Variants in PEG3 observed in about 807,000 individuals in gnomAD.
The protein encoded by PEG3 is paternally expressed 3.
Under a neutral mutation model 35.5 loss-of-function variants are expected in PEG3, and 23 were observed. That is an observed-to-expected ratio of 0.65 (90% CI 0.47 to 0.92). The LOEUF (loss-of-function observed/expected upper bound fraction) is 0.92. Among genes scored for constraint, PEG3 ranks in the 40% least tolerant of loss-of-function variants. PEG3 has a pLI of 0.00. For missense variants in PEG3, 1,960 were observed against 1,985.3 expected, an observed-to-expected ratio of 0.99 and a Z score of 0.24; for synonymous variants, 707 against 697.0, an observed-to-expected ratio of 1.01 and a Z score of -0.23.
intron 2 of PEG3, among the ~76,000 whole-genome samples, chr19:56,834,915 G>C (rs2061936892): frequency 2.0e-5 from 3 of 152,160 alleles, no homozygotes; most frequent in Admixed American, 1.3e-4. Flanking sequence ...ATCCTGTCCT[G>C]GATCAGGCCC....
chr19:56,823,497 G>T, intron 5 of PEG3, 96 bp downstream of exon 5: 1 of 1,461,280 alleles, frequency 6.8e-7, no homozygotes, highest in Non-Finnish European at 9.5e-7. Context: ...GGGATGGCGG[G>T]TCATCTTCAT....
intron 2 of PEG3, among the ~76,000 whole-genome samples, chr19:56,829,618 C>A (rs1270356114): frequency 1.3e-5 from 2 of 152,224 alleles, no homozygotes; most frequent in African/African-American, 4.8e-5. Flanking sequence ...TCCTGCAGGG[C>A]TACCTGACAC....
chr19:56,835,798 T>C (rs12978575), intron 2 of PEG3, among the ~76,000 whole-genome samples: 27,969 of 152,128 alleles, frequency 0.18, 3,240 homozygotes, highest in Non-Finnish European at 0.25. Context: ...TAGCTGAGTA[T>C]GAGAAAAAGA....
Position 56,821,693 on chromosome 19 carries a change from T to C in PEG3, c.627A>G (p.Arg209=). The change falls in exon 7 of 10, where the codon AGA becomes AGG. Residue 209 remains arginine (R), a synonymous_variant. Transcript: ENST00000326441. ...AAGCCCTGGAGTCCCTGTCGTCCTC[T>C]CTGTCCATTTCAAAGCTTGTTTTCG... ...VVAKTSFEMD[R]EDDRDSRAYE... is the part of the protein sequence containing the mutation. The C allele has an allele frequency of 6.2e-7, 1 of 1,613,946 alleles. No individual in the cohort carries two copies. The highest frequency in any genetic ancestry group is 8.5e-7 in the Non-Finnish European group (1 of 1,180,016).
chr19:56,836,969 CAAAAAAAAAA>C (rs573566620), intron 1 of PEG3, among the ~76,000 whole-genome samples: 7 of 116,988 alleles, frequency 6.0e-5, no homozygotes, highest in African/African-American at 1.8e-4. Flanking sequence ...GACTCTGTCT[CAAAAAAAAAA>C]AAAAAAAAAA....
At chr19:56,819,401 A>T (rs4801387) in intron 7 of PEG3, among the ~76,000 whole-genome samples, 34,494 of 152,222 alleles carry the variant, frequency 0.23, 4,660 homozygotes, top group Admixed American at 0.32. Context: ...GAATTTTAAA[A>T]TTCCTCACAT....
In PEG3 at chr19:56,811,550, TG is replaced by T. The variant is rs1438092073; in HGVS notation, c.*2124del. The T allele has an allele frequency of 1.0e-6, 1 of 985,198 alleles. No homozygotes were observed. The highest frequency in any genetic ancestry group is 1.2e-6 in the Non-Finnish European group (1 of 829,884). The allele number at this position is 985,198 out of a possible 1,614,324, so 61.0% of individuals were successfully genotyped here. ...TACTACCTTTTCACTAGCTGAAGGTTGGAACGGACACCCTGACTTACAGCAA... is the reference window on the plus strand; with the variant it reads ...TACTACCTTTTCACTAGCTGAAGGTTGAACGGACACCCTGACTTACAGCAA... On this transcript the variant is annotated 3_prime_UTR_variant, in exon 10 of 10. Coordinates refer to ENST00000326441, the MANE Select transcript of PEG3 (RefSeq NM_006210.3).
Position 56,813,723 on chromosome 19 carries a change from G to A in PEG3, c.4719C>T (p.Phe1573=). The A allele has an allele frequency of 6.2e-7, 1 of 1,614,104 alleles. No homozygotes were observed. The highest frequency in any genetic ancestry group is 1.1e-5 in the South Asian group (1 of 91,068). ...GTCTGGCGAGGGACAGGCGGTCATT[G>A]AAGAGCTGCCCACAGACGTCACATT... The part of the protein sequence containing the change: ...YFKCDVCGQL[F]NDRLSLARHQ... The change falls in exon 10 of 10, where the codon TTC becomes TTT. Residue 1573 remains phenylalanine, a synonymous_variant. Coordinates refer to ENST00000326441, the MANE Select transcript of PEG3 (RefSeq NM_006210.3).
intron 2 of PEG3, chr19:56,833,187 A>G (rs201452985): frequency 2.3e-5 from 12 of 516,718 alleles, no homozygotes; most frequent in Non-Finnish European, 1.5e-5. Flanking sequence ...CATCTGATGC[A>G]GGAGAAAATC....
At position 56,815,578 on chromosome 19, in the gene PEG3, A is replaced by T. The variant is rs753291516; in HGVS notation, c.2864T>A (p.Leu955Gln). The change falls in exon 10 of 10, where the codon CTG (leucine) becomes CAG (glutamine). Residue 955 changes from leucine to glutamine, a missense_variant. Coordinates refer to ENST00000326441, the MANE Select transcript of PEG3 (RefSeq NM_006210.3). ...GCGAAATGTTTGTTCACCAAAAGGC[A>T]GAGAGTGAATTACAGAGGTCTCATT... ...RSNETSVIHS[L>Q]PFGEQTFRPR... The T allele has an allele frequency of 6.2e-7, 1 of 1,614,158 alleles. No homozygotes were observed. Among genetic ancestry groups the T allele is most frequent in the South Asian group, 1.1e-5 (1 of 91,084 alleles).
At chr19:56,818,296 C>T (rs2060168529) in intron 8 of PEG3, among the ~76,000 whole-genome samples, 1 of 152,134 alleles carries the variant, frequency 6.6e-6, no homozygotes, top group Non-Finnish European at 1.5e-5. Flanking sequence ...GGATCCCATC[C>T]TGAATGTCTA....
chr19:56,824,435 C>G lies in PEG3; in HGVS notation c.221G>C (p.Trp74Ser), dbSNP rs759746585. 1.2e-6 allele frequency: 2 copies of G among 1,614,114 alleles called. No homozygotes were observed. Among genetic ancestry groups the G allele is most frequent in the Non-Finnish European group, 1.7e-6 (2 of 1,180,026 alleles). ...LIKLRNLCLD[W>S]LQPETRTKEE... is the part of the protein sequence containing the mutation. Reference sequence around the variant, plus strand: ...CTTGGTGCGGGTCTCCGGCTGCAACCAATCGAGGCAGAGGTTTCGGAGTTT... The same window carrying G: ...CTTGGTGCGGGTCTCCGGCTGCAACGAATCGAGGCAGAGGTTTCGGAGTTT... The change falls in exon 4 of 10, where the codon TGG (tryptophan) becomes TCG (serine). Residue 74 changes from tryptophan (W) to serine (S), a missense_variant. Transcript: ENST00000326441.
In PEG3 at chr19:56,836,098, G is replaced by C. The variant is rs764808536; in HGVS notation, c.-243C>G. ...TCCAAGAAGGACGGAAGATCAAGAA[G>C]GCAAAGCTGTAGAGGAAAAGAAAAT... On this transcript the variant is annotated 5_prime_UTR_variant, in exon 2 of 10. Coordinates refer to ENST00000326441, the MANE Select transcript of PEG3 (RefSeq NM_006210.3). 8.2e-6 allele frequency: 4 copies of C among 485,376 alleles called. No individual in the cohort carries two copies. The highest frequency in any genetic ancestry group is 1.6e-5 in the Non-Finnish European group (4 of 242,812). 30.1% of individuals were successfully genotyped at this position (485,376 alleles called of 1,614,324 possible).
At position 56,817,478 on chromosome 19, in the gene PEG3, C is replaced by T. The variant is rs2060084928; in HGVS notation, c.964G>A (p.Val322Met). 3 of 1,613,296 alleles carry T rather than the reference C, an allele frequency of 1.9e-6. No homozygotes were observed. The highest frequency in any genetic ancestry group is 1.3e-5 in the African/African-American group (1 of 74,910). The change falls in exon 10 of 10, where the codon GTG (valine) becomes ATG (methionine). Residue 322 changes from valine to methionine, a missense_variant. This residue lies in a region of PEG3 where 613 missense variants were observed against 577.1 expected (regional missense o/e 1.06). Transcript: ENST00000326441. ...GVIMEKFIKD[V>M]SRSSKSGRAR... ...CTTCCCGATTTGGAACTGCGTGACA[C>T]ATCCTTGATGAATTTTTCCATTATC...
intron 3 of PEG3, among the ~76,000 whole-genome samples, chr19:56,825,735 C>A (rs1417917518): frequency 6.6e-6 from 1 of 152,148 alleles, no homozygotes; most frequent in Non-Finnish European, 1.5e-5. Context: ...ACTGGCTTTA[C>A]TTCCAGAGAA....
chr19:56,831,522 T>C (rs910989230), intron 2 of PEG3, among the ~76,000 whole-genome samples: 2 of 152,200 alleles, frequency 1.3e-5, no homozygotes, highest in African/African-American at 4.8e-5. Flanking sequence ...AAATTAGGTA[T>C]TTCAGCTACA....
At chr19:56,827,647 C>G (rs1184087643) in intron 2 of PEG3, among the ~76,000 whole-genome samples, 1 of 152,120 alleles carries the variant, frequency 6.6e-6, no homozygotes, top group South Asian at 2.1e-4. Flanking sequence ...ATGAATTTAC[C>G]TCAGAGATAT....
intron 2 of PEG3, among the ~76,000 whole-genome samples, chr19:56,829,899 C>T (rs1015343664): frequency 6.6e-6 from 1 of 152,234 alleles, no homozygotes; most frequent in Non-Finnish European, 1.5e-5. Flanking sequence ...CCAGCTTCTC[C>T]ATGGCAACAG....
At chr19:56,823,319 G>A (rs1044747592) in intron 5 of PEG3, among the ~76,000 whole-genome samples, 1 of 152,160 alleles carries the variant, frequency 6.6e-6, no homozygotes, top group African/African-American at 2.4e-5. Context: ...GGAGGCTGGG[G>A]GTACAGCTGG....
Sources: gnomAD v4.1 joint callset for allele counts (sites outside exome capture counted in the v4.1 genomes callset) on GRCh38, gnomAD v4.1.1 for gene constraint, gnomAD v4.1.1 regional missense constraint, MANE v1.5 for transcripts, NCBI Gene and HGNC (gene_info 2026-07-23, HGNC 2026-07-21) for gene names.